Variants in RALGPS1 observed in about 807,000 individuals in gnomAD.
RALGPS1 encodes Ral GEF with PH domain and SH3 binding motif 1, also known as ras-specific guanine nucleotide-releasing factor RalGPS1.
In RALGPS1, 19 loss-of-function variants were observed where a neutral mutation model predicts 78.8. The ratio of observed to expected loss-of-function variants is 0.24; its 90% confidence interval spans 0.17 to 0.35. RALGPS1 has a LOEUF of 0.35. RALGPS1 is among the 10% of genes least tolerant of loss of function. The pLI, the probability that RALGPS1 is intolerant of heterozygous loss-of-function variation, is 1.00. For missense variants in RALGPS1, 454 were observed against 688.3 expected, an observed-to-expected ratio of 0.66 and a Z score of 3.81; for synonymous variants, 228 against 256.3, an observed-to-expected ratio of 0.89 and a Z score of 1.06.
intron 7 of RALGPS1, among the ~76,000 whole-genome samples, chr9:127,062,136 C>T (rs777619561): frequency 3.3e-5 from 5 of 152,040 alleles, no homozygotes; most frequent in African/African-American, 4.8e-5. Context: ...CTCGCTCTGT[C>T]ACCCAGGCTG....
intron 3 of RALGPS1, among the ~76,000 whole-genome samples, chr9:126,969,857 C>CT (rs1564333405): frequency 6.6e-6 from 1 of 152,140 alleles, no homozygotes; most frequent in Non-Finnish European, 1.5e-5. Flanking sequence ...ATGGTGAATA[C>CT]TTTTTGAGAA....
chr9:126,929,576 C>T (rs1029933615), intron 1 of RALGPS1, among the ~76,000 whole-genome samples: 7 of 151,610 alleles, frequency 4.6e-5, no homozygotes, highest in Admixed American at 1.3e-4. Context: ...CTCAGCCTCC[C>T]GAGTAGCTGG....
chr9:126,961,856 A>G (rs562670026), intron 1 of RALGPS1, among the ~76,000 whole-genome samples: 1 of 152,282 alleles, frequency 6.6e-6, no homozygotes, highest in South Asian at 2.1e-4. Context: ...ACGCACTGAA[A>G]TGGTCGCACA....
intron 1 of RALGPS1, among the ~76,000 whole-genome samples, chr9:126,927,513 C>A (rs1400096329): frequency 6.6e-6 from 1 of 152,130 alleles, no homozygotes; most frequent in Non-Finnish European, 1.5e-5. Context: ...CTGAGCCTTC[C>A]GTGCCTCCCT....
At chr9:126,919,794 C>T (rs1449086521) in intron 1 of RALGPS1, among the ~76,000 whole-genome samples, 1 of 152,160 alleles carries the variant, frequency 6.6e-6, no homozygotes, top group African/African-American at 2.4e-5. Flanking sequence ...AAGTCCTTGC[C>T]TTTGAGGTGC....
chr9:126,954,160 G>C (rs2038127746), intron 1 of RALGPS1, among the ~76,000 whole-genome samples: 1 of 152,206 alleles, frequency 6.6e-6, no homozygotes, highest in South Asian at 2.1e-4. Flanking sequence ...GAACCACCTA[G>C]TGGGTGGGTG....
chr9:126,943,719 G>C lies in RALGPS1; in HGVS notation c.-65-18506G>C, dbSNP rs182414413. Among the ~76,000 whole-genome samples the C allele has an allele frequency of 2.6e-3, 392 of 152,108 alleles. 2 individuals carry two copies. Among genetic ancestry groups the C allele is most frequent in the Non-Finnish European group, 4.5e-3 (305 of 67,988 alleles). ...TTACTCCTGAAGTCTTTCTCCTACC[G>C]CTGCCTGGACTGCTTTCACTGCCCC... On this transcript the variant is annotated intron_variant, in intron 1 of 18. Coordinates refer to ENST00000259351, the MANE Select transcript of RALGPS1 (RefSeq NM_014636.3).
At chr9:127,011,632 C>G (rs1176083123) in intron 4 of RALGPS1, among the ~76,000 whole-genome samples, 2 of 152,200 alleles carry the variant, frequency 1.3e-5, no homozygotes, top group African/African-American at 4.8e-5. Flanking sequence ...TAACTTCTGA[C>G]TAGGTTTGTG....
intron 1 of RALGPS1, among the ~76,000 whole-genome samples, chr9:126,932,149 C>T (rs944058767): frequency 6.6e-6 from 1 of 152,128 alleles, no homozygotes; most frequent in Non-Finnish European, 1.5e-5. Context: ...GAGAGAGGCA[C>T]TTAGTCTCCC....
chr9:127,020,062 C>T (rs763796375), intron 4 of RALGPS1, among the ~76,000 whole-genome samples: 24 of 152,034 alleles, frequency 1.6e-4, no homozygotes, highest in Non-Finnish European at 2.2e-4. Flanking sequence ...TCCTGTATTT[C>T]TTAGCCAAAC....
At chr9:127,174,421 C>T (rs2059739407) in intron 10 of RALGPS1, among the ~76,000 whole-genome samples, 1 of 152,222 alleles carries the variant, frequency 6.6e-6, no homozygotes, top group African/African-American at 2.4e-5. Flanking sequence ...GGGGAAGCTG[C>T]TTAACCTCAC....
chr9:127,212,284 G>A lies in RALGPS1; in HGVS notation c.1353+48G>A. On this transcript the variant is annotated intron_variant, in intron 15 of 18. Coordinates refer to ENST00000259351, the MANE Select transcript of RALGPS1 (RefSeq NM_014636.3). This position sits in a 1 kb window ranked among gnomAD's most constrained non-coding sequence, Gnocchi z 6.0. ...CGGGGCAGCAGGGGCTTCCACATCT[G>A]TAAATAGTGCCCACTCCTAGAGGTC... 1.4e-6 allele frequency: 2 copies of A among 1,416,198 alleles called. No homozygotes were observed. The highest frequency in any genetic ancestry group is 2.0e-6 in the Non-Finnish European group (2 of 1,022,548). The allele number at this position is 1,416,198 out of a possible 1,614,324, so 87.7% of individuals were successfully genotyped here.
intron 8 of RALGPS1, among the ~76,000 whole-genome samples, chr9:127,136,934 G>A (rs1311277630): frequency 6.6e-6 from 1 of 152,160 alleles, no homozygotes; most frequent in African/African-American, 2.4e-5. Context: ...CAAGACATGG[G>A]AACCGGTAGA....
At position 127,211,932 on chromosome 9, in the gene RALGPS1, G is replaced by A. The variant is rs1415325897; in HGVS notation, c.1248-199G>A. On this transcript the variant is annotated intron_variant, in intron 14 of 18. Transcript: ENST00000259351. The surrounding 1 kb of genome is among the most constrained non-coding windows in gnomAD (Gnocchi z 5.0). ...CTGGAGCTTTGCAGCCCCAGAGACA[G>A]GTGTGGGAGTCCTTGGCGGTGGGCC... Among the ~76,000 whole-genome samples, 1 of 152,208 alleles carries A rather than the reference G, an allele frequency of 6.6e-6. No homozygotes were observed. Among genetic ancestry groups the A allele is most frequent in the African/African-American group, 2.4e-5 (1 of 41,452 alleles).
chr9:127,158,624 T>C (rs1252269265), intron 8 of RALGPS1, among the ~76,000 whole-genome samples: 2 of 152,178 alleles, frequency 1.3e-5, no homozygotes, highest in African/African-American at 4.8e-5. Flanking sequence ...AGACTGTTGA[T>C]TTTTTAAAAA....
At chr9:127,031,223 T>C (rs11789802) in intron 4 of RALGPS1, among the ~76,000 whole-genome samples, 58,073 of 152,174 alleles carry the variant, frequency 0.38, 12,773 homozygotes, top group Non-Finnish European at 0.48. Flanking sequence ...TTCCACAGTG[T>C]GGACCTTTTT....
intron 14 of RALGPS1, 59 bp downstream of exon 14, chr9:127,199,125 C>G (rs1011555211): frequency 2.0e-6 from 3 of 1,523,934 alleles, no homozygotes; most frequent in Admixed American, 1.7e-5. Flanking sequence ...CTGAGGGAGC[C>G]GAAGACAGGC....
intron 8 of RALGPS1, chr9:127,108,424 A>G: frequency 6.2e-7 from 1 of 1,607,712 alleles, no homozygotes; most frequent in South Asian, 1.1e-5. Flanking sequence ...CAGCGTCTCG[A>G]TCTGCCGCTT....
At chr9:127,213,426 A>G (rs942592955) in intron 17 of RALGPS1, among the ~76,000 whole-genome samples, 11 of 152,352 alleles carry the variant, frequency 7.2e-5, no homozygotes, top group Admixed American at 5.2e-4. Context: ...TGCCTGTGCC[A>G]TAAGACTCTG....
Sources: gnomAD v4.1 joint callset for allele counts (sites outside exome capture counted in the v4.1 genomes callset) on GRCh38, gnomAD v4.1.1 for gene constraint, Gnocchi (gnomAD v3.1) non-coding constraint, MANE v1.5 for transcripts, NCBI Gene and HGNC (gene_info 2026-07-23, HGNC 2026-07-21) for gene names.